Variants in LRMDA observed in about 807,000 individuals in gnomAD.
LRMDA encodes the protein leucine-rich melanocyte differentiation-associated protein.
Under a neutral mutation model 29.8 loss-of-function variants are expected in LRMDA, and 18 were observed. The observed-to-expected ratio is 0.60, with a 90% CI of 0.42 to 0.90. LRMDA has a LOEUF of 0.90. Ranked by LOEUF, LRMDA falls within the 40% of genes least tolerant of loss-of-function variation. The pLI is 0.00. For synonymous variants in LRMDA, 125 were observed against 109.4 expected (o/e 1.14, Z -0.89); for missense variants, 273 against 273.9 (o/e 1.00, Z 0.02).
chr10:76,254,708 C>A (rs973322280), intron 5 of LRMDA, among the ~76,000 whole-genome samples: 6 of 151,786 alleles, frequency 4.0e-5, no homozygotes, highest in Admixed American at 3.9e-4. Flanking sequence ...CCCTCTTCAC[C>A]TCTTCTCCTC....
chr10:76,378,794 T>C (rs1841551897), intron 6 of LRMDA, among the ~76,000 whole-genome samples: 1 of 152,028 alleles, frequency 6.6e-6, no homozygotes, highest in African/African-American at 2.4e-5. Context: ...GTTAAGGATT[T>C]TTGCATCTAT....
At chr10:75,746,380 A>T (rs1842891069) in intron 2 of LRMDA, among the ~76,000 whole-genome samples, 1 of 152,214 alleles carries the variant, frequency 6.6e-6, no homozygotes, top group South Asian at 2.1e-4. Context: ...ACTACTTAAA[A>T]TTGTTTTCGT....
chr10:75,596,143 T>A (rs1840784816), intron 2 of LRMDA, among the ~76,000 whole-genome samples: 1 of 152,224 alleles, frequency 6.6e-6, no homozygotes, highest in South Asian at 2.1e-4. Flanking sequence ...TACAGGCATT[T>A]CACCCACATA....
At chr10:76,473,618 TAA>T (rs56100866) in intron 6 of LRMDA, among the ~76,000 whole-genome samples, 107 of 147,154 alleles carry the variant, frequency 7.3e-4, no homozygotes, top group Admixed American at 1.4e-3. Flanking sequence ...AGGATTCTGC[TAA>T]AAAAAAAAAG....
intron 2 of LRMDA, among the ~76,000 whole-genome samples, chr10:75,483,340 A>G (rs75729679): frequency 1.3e-3 from 201 of 152,312 alleles, no homozygotes; most frequent in African/African-American, 4.5e-3. Context: ...TACATTAGAA[A>G]CAGAGATCAA....
intron 2 of LRMDA, among the ~76,000 whole-genome samples, chr10:75,985,380 G>A (rs545269990): frequency 6.6e-6 from 1 of 152,118 alleles, no homozygotes. Flanking sequence ...AAGACTCCAG[G>A]CCTGACTAGA....
At chr10:76,275,100 T>C (rs948825886) in intron 5 of LRMDA, among the ~76,000 whole-genome samples, 20 of 152,100 alleles carry the variant, frequency 1.3e-4, no homozygotes, top group Admixed American at 2.0e-4. Flanking sequence ...ATTTCTTAAG[T>C]TCCATGCTTG....
intron 6 of LRMDA, among the ~76,000 whole-genome samples, chr10:76,379,381 T>C (rs1184713879): frequency 6.6e-6 from 1 of 152,112 alleles, no homozygotes; most frequent in Non-Finnish European, 1.5e-5. Context: ...TGTTAGGAGA[T>C]TTTTTACTAC....
At chr10:75,496,912 G>A (rs1845051024) in intron 2 of LRMDA, among the ~76,000 whole-genome samples, 1 of 151,882 alleles carries the variant, frequency 6.6e-6, no homozygotes, top group Admixed American at 6.6e-5. Flanking sequence ...ATACACATAT[G>A]TGTATATATG....
chr10:75,927,599 C>T (rs1301315448), intron 2 of LRMDA, among the ~76,000 whole-genome samples: 4 of 152,164 alleles, frequency 2.6e-5, no homozygotes, highest in Non-Finnish European at 5.9e-5. Context: ...GAAGGACCTC[C>T]TGAATTGAGG....
intron 2 of LRMDA, among the ~76,000 whole-genome samples, chr10:75,957,533 G>A (rs1223899406): frequency 2.0e-5 from 3 of 152,158 alleles, no homozygotes; most frequent in Admixed American, 6.5e-5. Flanking sequence ...TGTCACCAAC[G>A]GGCCTATGAG....
At chr10:76,458,975 A>C (rs532654705) in intron 6 of LRMDA, among the ~76,000 whole-genome samples, 1 of 152,262 alleles carries the variant, frequency 6.6e-6, no homozygotes, top group Admixed American at 6.5e-5. Context: ...AGCACTAAGA[A>C]ATCAGTAAAA....
intron 2 of LRMDA, among the ~76,000 whole-genome samples, chr10:75,593,822 C>A (rs1840752239): frequency 6.6e-6 from 1 of 152,078 alleles, no homozygotes; most frequent in Admixed American, 6.5e-5. Flanking sequence ...GCCAGACAAG[C>A]CATGCCTGGA....
At chr10:76,443,709 C>G (rs1842326839) in intron 6 of LRMDA, among the ~76,000 whole-genome samples, 1 of 152,158 alleles carries the variant, frequency 6.6e-6, no homozygotes, top group Non-Finnish European at 1.5e-5. Flanking sequence ...CTATCACCAC[C>G]AGCTATATAG....
chr10:75,917,112 C>T (rs1366366810), intron 2 of LRMDA, among the ~76,000 whole-genome samples: 1 of 152,160 alleles, frequency 6.6e-6, no homozygotes, highest in Non-Finnish European at 1.5e-5. Context: ...CCACCATCTC[C>T]TCTGCCAAGA....
At chr10:76,007,632 C>T (rs1049274683) in intron 2 of LRMDA, among the ~76,000 whole-genome samples, 1 of 152,188 alleles carries the variant, frequency 6.6e-6, no homozygotes, top group Non-Finnish European at 1.5e-5. Flanking sequence ...TCCCCGCCAT[C>T]CCAAACCTAG....
intron 2 of LRMDA, among the ~76,000 whole-genome samples, chr10:75,527,934 C>G (rs1396162760): frequency 6.6e-6 from 1 of 151,904 alleles, no homozygotes; most frequent in African/African-American, 2.4e-5. Flanking sequence ...TAGGCACATG[C>G]CACCATACCC....
chr10:76,485,428 A>G (rs1842771883), intron 6 of LRMDA, among the ~76,000 whole-genome samples: 1 of 151,958 alleles, frequency 6.6e-6, no homozygotes, highest in African/African-American at 2.4e-5. Flanking sequence ...AGTATTCATA[A>G]TTATTTCACT....
At chr10:75,905,024 A>C (rs1454724268) in intron 2 of LRMDA, among the ~76,000 whole-genome samples, 1 of 152,208 alleles carries the variant, frequency 6.6e-6, no homozygotes, top group Admixed American at 6.5e-5. Flanking sequence ...TGCACACTCT[A>C]TCTGCAGCGT....
Sources: gnomAD v4.1 joint callset for allele counts (sites outside exome capture counted in the v4.1 genomes callset) on GRCh38, gnomAD v4.1.1 for gene constraint, MANE v1.5 for transcripts, NCBI Gene and HGNC (gene_info 2026-07-23, HGNC 2026-07-21) for gene names.